FAHD2B: variants seen among roughly 807,000 people sequenced by gnomAD.
FAHD2B encodes oxaloacetate tautomerase FAHD2B, mitochondrial.
FAHD2B carries 26 observed loss-of-function variants against 33.7 expected under a neutral mutation model. That is an observed-to-expected ratio of 0.77 (90% CI 0.57 to 1.07). The LOEUF (loss-of-function observed/expected upper bound fraction) is 1.07, where lower values mean the gene tolerates loss of function less well. FAHD2B is among the 50% of genes least tolerant of loss of function. The pLI is 0.00. For synonymous variants in FAHD2B, 108 were observed against 150.9 expected (o/e 0.72, Z 2.08); for missense variants, 272 against 388.1 (o/e 0.70, Z 2.51).
At chr2:97,087,062 T>C (rs1388812375) in intron 4 of FAHD2B, 2 of 152,066 alleles carry the variant, frequency 1.3e-5, no homozygotes, top group African/African-American at 4.8e-5. Context: ...CTTTTTTTCT[T>C]TTTTTTTGAG....
At chr2:97,083,451 T>C (rs2031736105), downstream of FAHD2B, 1 of 1,316,708 alleles carries the variant, frequency 7.6e-7, no homozygotes, top group South Asian at 1.6e-5. Flanking sequence ...AGACGAGTTG[T>C]CTTTTCCCCA....
intron 4 of FAHD2B, 118 bp downstream of exon 4, chr2:97,089,991 T>C: frequency 5.3e-6 from 7 of 1,331,276 alleles, no homozygotes; most frequent in South Asian, 2.7e-5. Flanking sequence ...TATAATCCTG[T>C]AGAGTTTCTG....
chr2:97,079,644 TTTTTA>T (rs1263606722), downstream of FAHD2B, among the ~76,000 whole-genome samples: 1 of 150,362 alleles, frequency 6.7e-6, no homozygotes, highest in African/African-American at 2.4e-5. Context: ...TTAAATTTCT[TTTTTA>T]TTTTATTTTT....
At chr2:97,093,505 C>T (rs1381170361) in intron 1 of FAHD2B, among the ~76,000 whole-genome samples, 11 of 137,132 alleles carry the variant, frequency 8.0e-5, no homozygotes, top group African/African-American at 1.2e-4. Flanking sequence ...GATGGAGTCT[C>T]GCTCTGTCGC....
downstream of FAHD2B, among the ~76,000 whole-genome samples, chr2:97,079,184 T>G (rs1221003308): frequency 6.6e-6 from 1 of 152,162 alleles, no homozygotes; most frequent in Non-Finnish European, 1.5e-5. Flanking sequence ...GATGGGCATT[T>G]AGATTGATTC....
At chr2:97,083,239 C>A, downstream of FAHD2B, 18 of 1,608,746 alleles carry the variant, frequency 1.1e-5, no homozygotes, top group Non-Finnish European at 1.5e-5. Context: ...ACAGTTCATC[C>A]GGCAGTTCAT....
In FAHD2B at chr2:97,083,638, C is replaced by A. The variant is rs1277161472; in HGVS notation, c.*117G>T. On this transcript the variant is annotated 3_prime_UTR_variant, in exon 9 of 9. Coordinates refer to ENST00000414820, the MANE Select transcript of FAHD2B (RefSeq NM_001320848.2). ...AGAGCTCTGTCCTTCTCCCTTCTAC[C>A]GAGAAGAGGCGGCTTGCAGGGCTGG... is the stretch of plus-strand genomic sequence containing the variant. 7.2e-6 allele frequency: 11 copies of A among 1,524,852 alleles called. No individual in the cohort carries two copies. In the Middle Eastern group the frequency reaches 8.6e-4, roughly 119 times the overall value. 94.5% of individuals were successfully genotyped at this position (1,524,852 alleles called of 1,614,324 possible).
At chr2:97,087,550 T>G (rs1203782726) in intron 4 of FAHD2B, among the ~76,000 whole-genome samples, 2 of 151,832 alleles carry the variant, frequency 1.3e-5, no homozygotes, top group Non-Finnish European at 2.9e-5. Flanking sequence ...ATACAAAAAA[T>G]TAGCCAGGTG....
At chr2:97,082,678 G>A (rs1574366457), downstream of FAHD2B, 2 of 1,580,580 alleles carry the variant, frequency 1.3e-6, no homozygotes, top group South Asian at 1.1e-5. Context: ...CCTACCTAGA[G>A]CCTTCACTTC....
intron 1 of FAHD2B, among the ~76,000 whole-genome samples, chr2:97,094,022 T>G (rs1379590003): frequency 1.3e-5 from 2 of 151,930 alleles, no homozygotes; most frequent in Admixed American, 1.3e-4. Flanking sequence ...ACCCAGAATG[T>G]TGTGGTGAGA....
chr2:97,091,916 C>A lies in FAHD2B; in HGVS notation c.-60G>T. On this transcript the variant is annotated 5_prime_UTR_variant, in exon 2 of 9. Coordinates refer to ENST00000414820, the MANE Select transcript of FAHD2B (RefSeq NM_001320848.2). ...GTAGAGGAGCAACTACTACATGCTA[C>A]GCAGTAAGTCCCAGGGATTCCAGCG... 1 of 618,130 alleles carries A rather than the reference C, an allele frequency of 1.6e-6. No homozygotes were observed. Among genetic ancestry groups the A allele is most frequent in the Non-Finnish European group, 2.7e-6 (1 of 374,646 alleles). 38.3% of individuals were successfully genotyped at this position (618,130 alleles called of 1,614,324 possible). A position where few individuals can be genotyped will look rare whatever the true frequency, so the allele number is the denominator to read the frequency against.
rs759964824 is a variant in FAHD2B at position 97,090,259 on chromosome 2, C to T, written c.312G>A (p.Trp104Ter). 1.2e-5 allele frequency: 20 copies of T among 1,612,772 alleles called. No homozygotes were observed. In the East Asian group the frequency reaches 2.7e-4, roughly 22 times the overall value. Residue 104 changes from tryptophan to a stop codon, truncating the protein, a stop_gained, in exon 4 of 9, where the codon TGG becomes TGA. Coordinates refer to ENST00000414820, the MANE Select transcript of FAHD2B (RefSeq NM_001320848.2). LOFTEE classifies it high-confidence loss of function. Reference protein sequence around the residue: ...SEVTFLAPVTWPDKVVCVGMN... With the variant: ...SEVTFLAPVT ...TGCCCACACACACCACCTTATCTGG[C>T]CATGTGACTGGAGCCAGGAAGGTTA...
chr2:97,084,405 A>G, intron 6 of FAHD2B, 128 bp from the exon 7 acceptor site: 1 of 999,894 alleles, frequency 1.0e-6, no homozygotes, highest in Non-Finnish European at 1.5e-6. Context: ...GCCCACATTG[A>G]CTCAGTGCAC....
At chr2:97,091,808 C>T in intron 2 of FAHD2B, 55 bp downstream of exon 2, 1 of 1,509,458 alleles carries the variant, frequency 6.6e-7, no homozygotes, top group Non-Finnish European at 8.9e-7. Flanking sequence ...GGCCCTTTGC[C>T]CCATCAACCG....
Position 97,085,755 on chromosome 2 carries a change from G to A in FAHD2B, c.629C>T (p.Thr210Ile). The change falls in exon 6 of 9, where the codon ACC becomes ATC. Residue 210 changes from threonine (T) to isoleucine (I), a missense_variant. Physicochemically the swap from Thr to Ile is moderately conservative, Grantham distance 89. Transcript: ENST00000414820. Reference protein sequence around the residue: ...RNGKQWLLGKTFDTFCPLGPA... With the variant: ...RNGKQWLLGKIFDTFCPLGPA... ...GCCCAGAGGGCAGAAGGTGTCGAAG[G>A]TTTTTCCCAGCAGCCACTGTTTCCC... is the stretch of plus-strand genomic sequence containing the variant. 6.2e-7 allele frequency: 1 copy of A among 1,613,798 alleles called. No homozygotes were observed. The highest frequency in any genetic ancestry group is 8.5e-7 in the Non-Finnish European group (1 of 1,179,854).
chr2:97,081,088 C>G, downstream of FAHD2B: 1 of 1,507,460 alleles, frequency 6.6e-7, no homozygotes, highest in East Asian at 2.3e-5. Flanking sequence ...CATAATGGAC[C>G]CTCCGCCCCC....
At chr2:97,083,911 T>C in intron 8 of FAHD2B, 37 bp downstream of exon 8, 1 of 1,613,946 alleles carries the variant, frequency 6.2e-7, no homozygotes. Flanking sequence ...TGCCAGGCCT[T>C]TGGGGCCCTT....
chr2:97,079,818 C>G (rs1035241731), downstream of FAHD2B, among the ~76,000 whole-genome samples: 19 of 151,870 alleles, frequency 1.3e-4, no homozygotes, highest in Non-Finnish European at 1.6e-4. Context: ...GCATGCACCA[C>G]CACGCCCAGC....
chr2:97,081,063 G>C (rs1366783960), downstream of FAHD2B: 13 of 1,500,276 alleles, frequency 8.7e-6, 1 homozygote, highest in South Asian at 1.4e-5. Context: ...GTGGTGAAGG[G>C]AACGGCTCCT....
Sources: gnomAD v4.1 joint callset for allele counts (sites outside exome capture counted in the v4.1 genomes callset) on GRCh38, gnomAD v4.1.1 for gene constraint, MANE v1.5 for transcripts, NCBI Gene and HGNC (gene_info 2026-07-23, HGNC 2026-07-21) for gene names.